ROR1: variants seen among roughly 807,000 people sequenced by gnomAD.
ROR1 encodes the protein inactive tyrosine-protein kinase transmembrane receptor ROR1.
Under a neutral mutation model 78.8 loss-of-function variants are expected in ROR1, and 19 were observed. The ratio of observed to expected loss-of-function variants is 0.24; its 90% CI spans 0.17 to 0.35. ROR1 has a LOEUF of 0.35. Among genes scored for constraint, ROR1 ranks in the 10% least tolerant of loss-of-function variants. The pLI is 1.00. For synonymous variants in ROR1, 386 were observed against 433.6 expected (o/e 0.89, Z 1.36); for missense variants, 917 against 1,177.8 (o/e 0.78, Z 3.24).
At chr1:63,921,318 G>A (rs1645652568) in intron 1 of ROR1, among the ~76,000 whole-genome samples, 1 of 152,146 alleles carries the variant, frequency 6.6e-6, no homozygotes, top group Non-Finnish European at 1.5e-5. Context: ...GGTGGAGCCT[G>A]CGAGTTTGCA....
At position 63,898,398 on chromosome 1, in the gene ROR1, T is replaced by C. The variant is rs1316597664; in HGVS notation, c.92-110907T>C. Reference sequence around the variant, plus strand: ...TTTTTGGATAAAGGAGGTTTTTTTTTTAAAAAAAGGAAAGAATAAAAGAAG... The same window carrying C: ...TTTTTGGATAAAGGAGGTTTTTTTTCTAAAAAAAGGAAAGAATAAAAGAAG... On this transcript the variant is annotated intron_variant, in intron 1 of 8. Transcript: ENST00000371079. Among the ~76,000 whole-genome samples, 34 of 151,474 alleles carry C rather than the reference T, an allele frequency of 2.2e-4. No homozygotes were observed. In the South Asian group the frequency reaches 7.1e-3, roughly 32 times the overall value.
chr1:64,175,629 C>CAATT (rs2100744388), intron 8 of ROR1, among the ~76,000 whole-genome samples: 1 of 152,258 alleles, frequency 6.6e-6, no homozygotes, highest in Non-Finnish European at 1.5e-5. Context: ...CAAATAAGAC[C>CAATT]AATTTATAAT....
At chr1:63,786,754 A>G (rs1411594200) in intron 1 of ROR1, among the ~76,000 whole-genome samples, 1 of 151,696 alleles carries the variant, frequency 6.6e-6, no homozygotes, top group African/African-American at 2.4e-5. Flanking sequence ...CTTCCCCCAG[A>G]CTCATCAAAT....
chr1:63,873,040 A>G (rs76192948), intron 1 of ROR1, among the ~76,000 whole-genome samples: 1,792 of 152,230 alleles, frequency 0.012, 43 homozygotes, highest in African/African-American at 0.042. Context: ...CAGTGTTCCA[A>G]TAGAGAGGTA....
intron 1 of ROR1, among the ~76,000 whole-genome samples, chr1:63,898,650 T>G (rs1478094993): frequency 7.1e-6 from 1 of 140,318 alleles, no homozygotes. Flanking sequence ...AAGAAGGGGG[T>G]GAAAGAGAAG....
At chr1:64,072,381 G>A (rs1647011337) in intron 4 of ROR1, among the ~76,000 whole-genome samples, 1 of 152,108 alleles carries the variant, frequency 6.6e-6, no homozygotes, top group African/African-American at 2.4e-5. Flanking sequence ...CTCTGGTGCA[G>A]GGACCCAAAT....
At chr1:63,923,868 G>A (rs1170917624) in intron 1 of ROR1, among the ~76,000 whole-genome samples, 5 of 151,578 alleles carry the variant, frequency 3.3e-5, no homozygotes, top group Admixed American at 6.6e-5. Flanking sequence ...ACTGTGCCTC[G>A]GTCATGACGG....
At chr1:64,130,914 G>A (rs981328746) in intron 4 of ROR1, among the ~76,000 whole-genome samples, 5 of 152,312 alleles carry the variant, frequency 3.3e-5, no homozygotes, top group Admixed American at 2.0e-4. Context: ...CACTCAGCTC[G>A]AGGTTACTAG....
intron 4 of ROR1, among the ~76,000 whole-genome samples, chr1:64,065,170 C>T (rs963198267): frequency 2.6e-5 from 4 of 152,106 alleles, no homozygotes; most frequent in African/African-American, 9.7e-5. Flanking sequence ...CTACTCTGTG[C>T]CAGGCCTTTT....
At chr1:64,068,048 G>A (rs1639353714) in intron 4 of ROR1, among the ~76,000 whole-genome samples, 2 of 152,054 alleles carry the variant, frequency 1.3e-5, no homozygotes, top group Admixed American at 1.3e-4. Flanking sequence ...AAATTGAAAA[G>A]CAACACTGAA....
At chr1:63,925,834 G>A (rs908786890) in intron 1 of ROR1, among the ~76,000 whole-genome samples, 51 of 151,670 alleles carry the variant, frequency 3.4e-4, no homozygotes, top group African/African-American at 1.2e-3. Flanking sequence ...GTCTGTTCAT[G>A]TCCATCGCCC....
chr1:63,945,894 A>T (rs1645883681), intron 1 of ROR1, among the ~76,000 whole-genome samples: 1 of 152,204 alleles, frequency 6.6e-6, no homozygotes, highest in Non-Finnish European at 1.5e-5. Context: ...TGCTAGTGAT[A>T]ATTTTAGTCC....
At chr1:63,780,655 G>A (rs1446777424) in intron 1 of ROR1, among the ~76,000 whole-genome samples, 3 of 152,164 alleles carry the variant, frequency 2.0e-5, no homozygotes. Context: ...ACTCCAGAGT[G>A]TTTTGTTTTA....
intron 4 of ROR1, among the ~76,000 whole-genome samples, chr1:64,100,995 C>A (rs951464369): frequency 2.0e-5 from 3 of 152,156 alleles, no homozygotes; most frequent in Admixed American, 6.5e-5. Context: ...TTTTTACAAG[C>A]CAGATGCTGG....
chr1:63,993,384 G>C (rs1404919654), intron 1 of ROR1, among the ~76,000 whole-genome samples: 1 of 152,136 alleles, frequency 6.6e-6, no homozygotes, highest in East Asian at 1.9e-4. Context: ...AGTGCAAAAA[G>C]ATGTACAGTA....
intron 1 of ROR1, among the ~76,000 whole-genome samples, chr1:63,863,707 CATTGTATTGTATTGTATTGT>C (rs61123882): frequency 0.043 from 2,852 of 65,966 alleles, 162 homozygotes; most frequent in African/African-American, 0.066. Context: ...TCAACACTGC[CATTGTATTGTATTGTATTGT>C]ATTGTATTGT....
intron 1 of ROR1, among the ~76,000 whole-genome samples, chr1:63,941,438 C>G (rs551811707): frequency 3.3e-5 from 5 of 152,204 alleles, no homozygotes; most frequent in African/African-American, 1.2e-4. Context: ...CTGGATTGTT[C>G]TCTAAGTTTG....
intron 4 of ROR1, among the ~76,000 whole-genome samples, chr1:64,068,228 C>G (rs956874130): frequency 4.6e-5 from 7 of 152,150 alleles, no homozygotes; most frequent in African/African-American, 1.7e-4. Context: ...AACATACATT[C>G]TTATATCTGT....
At chr1:64,077,494 G>A (rs1211427189) in intron 4 of ROR1, among the ~76,000 whole-genome samples, 3 of 152,258 alleles carry the variant, frequency 2.0e-5, no homozygotes, top group East Asian at 1.9e-4. Flanking sequence ...AAGCAGGCAC[G>A]TCCTCTGATC....
Sources: gnomAD v4.1 joint callset for allele counts (sites outside exome capture counted in the v4.1 genomes callset) on GRCh38, gnomAD v4.1.1 for gene constraint, MANE v1.5 for transcripts, NCBI Gene and HGNC (gene_info 2026-07-23, HGNC 2026-07-21) for gene names.